The following OR9Q1 variants were observed in gnomAD, a reference collection of about 807,000 sequenced individuals.
OR9Q1 encodes the protein olfactory receptor 9Q1.
For synonymous variants in OR9Q1, 153 were observed against 148.6 expected, an observed-to-expected ratio of 1.03 and a Z score of -0.22; for missense variants, 374 against 378.8, an observed-to-expected ratio of 0.99 and a Z score of 0.11.
chr11:58,059,518 A>G (rs889497763), intron 2 of OR9Q1, among the ~76,000 whole-genome samples: 2 of 151,910 alleles, frequency 1.3e-5, no homozygotes, highest in African/African-American at 4.8e-5. Context: ...CAGCATGGTG[A>G]AACCCTGTCT....
At chr11:58,113,678 A>T (rs1053058877) in intron 2 of OR9Q1, among the ~76,000 whole-genome samples, 2 of 152,136 alleles carry the variant, frequency 1.3e-5, no homozygotes, top group Non-Finnish European at 2.9e-5. Context: ...TATGCCAACT[A>T]TTGTCCCCTG....
intron 2 of OR9Q1, among the ~76,000 whole-genome samples, chr11:58,058,621 T>A (rs897096101): frequency 6.6e-6 from 1 of 151,848 alleles, no homozygotes; most frequent in Non-Finnish European, 1.5e-5. Context: ...CCGCCAGGAG[T>A]CTGAAGTGAA....
chr11:58,145,705 T>A, intron 2 of OR9Q1, among the ~76,000 whole-genome samples: 1 of 152,190 alleles, frequency 6.6e-6, no homozygotes, highest in Non-Finnish European at 1.5e-5. Context: ...GCTTTGTAAA[T>A]AATAACATGC....
chr11:58,097,027 A>T (rs575944355), intron 2 of OR9Q1, among the ~76,000 whole-genome samples: 2 of 152,154 alleles, frequency 1.3e-5, no homozygotes, highest in South Asian at 4.1e-4. Context: ...TTTTTTGTAG[A>T]GATGGGGGTC....
chr11:58,140,021 T>A (rs1206031292), intron 2 of OR9Q1, among the ~76,000 whole-genome samples: 1 of 152,170 alleles, frequency 6.6e-6, no homozygotes, highest in African/African-American at 2.4e-5. Flanking sequence ...GATTTTTGCA[T>A]TTCTCTGATG....
At chr11:58,079,211 G>A (rs1178294056) in intron 2 of OR9Q1, among the ~76,000 whole-genome samples, 3 of 151,856 alleles carry the variant, frequency 2.0e-5, no homozygotes, top group South Asian at 2.1e-4. Context: ...GTGTACCACC[G>A]CAACCATCAC....
chr11:58,053,633 T>TATATA (rs1554965513), intron 1 of OR9Q1, among the ~76,000 whole-genome samples: 1 of 32,114 alleles, frequency 3.1e-5, no homozygotes, highest in Non-Finnish European at 5.4e-5. Flanking sequence ...ATATAAAATA[T>TATATA]ATATATATAT....
chr11:58,151,063 TCCA>T (rs1384163025), intron 2 of OR9Q1, among the ~76,000 whole-genome samples: 1 of 152,220 alleles, frequency 6.6e-6, no homozygotes, highest in East Asian at 1.9e-4. Context: ...AGGTATTTTA[TCCA>T]TTTTTAGTTC....
chr11:58,085,052 A>G (rs1016226411), intron 2 of OR9Q1, among the ~76,000 whole-genome samples: 2 of 151,804 alleles, frequency 1.3e-5, no homozygotes, highest in African/African-American at 4.9e-5. Flanking sequence ...CCTAAAAACT[A>G]TTTTCAAAAA....
chr11:58,170,185 A>G (rs1474418451), intron 2 of OR9Q1, among the ~76,000 whole-genome samples: 6 of 152,166 alleles, frequency 3.9e-5, no homozygotes, highest in Non-Finnish European at 8.8e-5. Context: ...GCTTCTAAAA[A>G]TGAGACGAGG....
chr11:58,143,472 G>T (rs147638260), intron 2 of OR9Q1, among the ~76,000 whole-genome samples: 195 of 152,304 alleles, frequency 1.3e-3, no homozygotes, highest in African/African-American at 4.6e-3. Context: ...TTTTGGAAGT[G>T]CCTAAGGAAA....
intron 2 of OR9Q1, among the ~76,000 whole-genome samples, chr11:58,174,233 T>C (rs1420739839): frequency 6.6e-6 from 1 of 152,192 alleles, no homozygotes; most frequent in Admixed American, 6.5e-5. Flanking sequence ...AATGGGGCTT[T>C]GTCTGCTTGT....
chr11:58,128,561 T>G (rs1854111274), intron 2 of OR9Q1, among the ~76,000 whole-genome samples: 1 of 152,168 alleles, frequency 6.6e-6, no homozygotes, highest in Non-Finnish European at 1.5e-5. Context: ...AAATGTCAGA[T>G]CTATCGCGTT....
intron 2 of OR9Q1, among the ~76,000 whole-genome samples, chr11:58,178,361 A>G (rs1854624711): frequency 6.6e-6 from 1 of 152,214 alleles, no homozygotes. Flanking sequence ...GGACTCTCCA[A>G]AAATATCCTT....
chr11:58,096,356 C>T (rs1481993527), intron 2 of OR9Q1, among the ~76,000 whole-genome samples: 2 of 152,174 alleles, frequency 1.3e-5, no homozygotes, highest in Non-Finnish European at 2.9e-5. Flanking sequence ...AAAATCCCTT[C>T]CTGTCCCTGT....
intron 2 of OR9Q1, among the ~76,000 whole-genome samples, chr11:58,105,565 T>A (rs1853831772): frequency 6.6e-6 from 1 of 152,196 alleles, no homozygotes; most frequent in Admixed American, 6.5e-5. Context: ...TTGTTAACTA[T>A]AGGCTCTAGG....
chr11:58,158,515 G>A (rs965011659), intron 2 of OR9Q1, among the ~76,000 whole-genome samples: 1 of 150,532 alleles, frequency 6.6e-6, no homozygotes, highest in Admixed American at 6.6e-5. Flanking sequence ...CACAGCAAGA[G>A]TCCAGGTCCT....
chr11:58,150,902 G>A (rs1854344795), intron 2 of OR9Q1, among the ~76,000 whole-genome samples: 1 of 152,178 alleles, frequency 6.6e-6, no homozygotes, highest in Admixed American at 6.5e-5. Context: ...GGAGATGATA[G>A]CTCCGTGTAT....
chr11:58,029,506 G>A (rs949316240), intron 1 of OR9Q1, among the ~76,000 whole-genome samples: 2 of 152,196 alleles, frequency 1.3e-5, no homozygotes, highest in African/African-American at 4.8e-5. Context: ...TGGGAAGAGT[G>A]TTCAAGAATT....
Sources: allele counts gnomAD v4.1 joint callset (sites outside exome capture counted in the v4.1 genomes callset), GRCh38; gene constraint gnomAD v4.1.1; transcripts MANE v1.5; gene names NCBI Gene and HGNC (gene_info 2026-07-23, HGNC 2026-07-21).